Variants in COPS7A observed in about 807,000 individuals in gnomAD.
COPS7A encodes COP9 signalosome subunit 7A.
In COPS7A, 20 loss-of-function variants were observed where a neutral mutation model predicts 35.2. That is an observed-to-expected ratio of 0.57 (90% confidence interval 0.40 to 0.83). The LOEUF is 0.83. Among genes scored for constraint, COPS7A ranks in the 40% least tolerant of loss-of-function variants. The pLI is 0.00. For synonymous variants in COPS7A, 139 were observed against 141.4 expected, an observed-to-expected ratio of 0.98 and a Z score of 0.12; for missense variants, 247 against 347.5, an observed-to-expected ratio of 0.71 and a Z score of 2.30.
rs1040521710 is a variant in COPS7A at position 6,726,672 on chromosome 12, A to T, written c.163-1254A>T. ...TATCCCAGAACTTAAAGTATAATTT[A>T]AAAAAAAAAAAAAGGGAGGCGGAGG... On this transcript the variant is annotated intron_variant, in intron 2 of 7. Transcript: ENST00000543155. Among the ~76,000 whole-genome samples the T allele has an allele frequency of 6.3e-5, 9 of 141,958 alleles. No homozygotes were observed. The South Asian group carries it at 6.7e-4, about 11-fold the overall frequency. 93.1% of individuals were successfully genotyped at this position (141,958 alleles called of 152,430 possible). A position where few individuals can be genotyped will look rare whatever the true frequency, so the allele number is the denominator to read the frequency against.
intron 3 of COPS7A, 32 bp from the exon 4 acceptor site, chr12:6,728,191 A>T (rs778782482): frequency 6.2e-7 from 1 of 1,602,430 alleles, no homozygotes; most frequent in Non-Finnish European, 8.5e-7. Flanking sequence ...AACTGAAATC[A>T]GGATTCCTTA....
intron 2 of COPS7A, chr12:6,727,711 G>A (rs773726982): frequency 1.5e-6 from 1 of 673,834 alleles, no homozygotes; most frequent in Admixed American, 2.0e-5. Context: ...GGGCATTGTG[G>A]TTTGGGAGAA....
At chr12:6,727,608 G>A (rs1941288886) in intron 2 of COPS7A, 1 of 504,118 alleles carries the variant, frequency 2.0e-6, no homozygotes, top group Admixed American at 2.3e-5. Flanking sequence ...AACACAATTT[G>A]CAGTGTCTGG....
chr12:6,731,268 T>C lies in COPS7A; in HGVS notation c.*229T>C. ...TTTGTGACTTCATGTGTTCCATTGC[T>C]CCCCGCTGCCATGCTCTCTCCCTTG... On this transcript the variant is annotated 3_prime_UTR_variant, in exon 8 of 8. Transcript: ENST00000543155. 6.9e-7 allele frequency: 1 copy of C among 1,444,980 alleles called. No homozygotes were observed. The highest frequency in any genetic ancestry group is 9.1e-7 in the Non-Finnish European group (1 of 1,101,008). 89.5% of individuals were successfully genotyped at this position (1,444,980 alleles called of 1,614,324 possible). A position where few individuals can be genotyped will look rare whatever the true frequency, so the allele number is the denominator to read the frequency against.
Position 6,731,432 on chromosome 12 carries a change from A to T in COPS7A, c.*393A>T. The T allele has an allele frequency of 3.8e-6, 3 of 787,764 alleles. No individual in the cohort carries two copies. The highest frequency in any genetic ancestry group is 5.3e-6 in the Non-Finnish European group (3 of 567,922). The allele number at this position is 787,764 out of a possible 1,614,324, so 48.8% of individuals were successfully genotyped here. On this transcript the variant is annotated 3_prime_UTR_variant, in exon 8 of 8. Transcript: ENST00000543155. The stretch of plus-strand genomic sequence containing the variant: ...CCCCATCCCTGCATGCCTGATCCCC[A>T]GTTCCTATACCCTACCCCTGACCTA...
At chr12:6,725,905 A>C (rs982176590) in intron 2 of COPS7A, 7 of 456,006 alleles carry the variant, frequency 1.5e-5, no homozygotes, top group Non-Finnish European at 2.6e-5. Context: ...AAAAAGAAGC[A>C]CTTGGCTGGG....
chr12:6,727,586 C>G (rs1421658419), intron 2 of COPS7A: 1 of 469,024 alleles, frequency 2.1e-6, no homozygotes, highest in Non-Finnish European at 4.2e-6. Flanking sequence ...ATCAAACACT[C>G]TGAGGGCAGG....
intron 6 of COPS7A, 45 bp from the exon 7 acceptor site, chr12:6,730,624 G>T (rs369598803): frequency 4.5e-5 from 72 of 1,612,976 alleles, no homozygotes; most frequent in East Asian, 8.9e-5. Flanking sequence ...GGGCTGGAAG[G>T]TTCTGGAACC....
Position 6,727,629 on chromosome 12 carries a change from T to G in COPS7A, c.163-297T>G, listed in dbSNP as rs188585104. On this transcript the variant is annotated intron_variant, in intron 2 of 7. Coordinates refer to ENST00000543155, the MANE Select transcript of COPS7A (RefSeq NM_001164094.2). Reference sequence around the variant, plus strand: ...ATTTGCAGTGTCTGGTGTGTATGTCTGTTTGACTCTGAAAACTGAATGTCT... The same window carrying G: ...ATTTGCAGTGTCTGGTGTGTATGTCGGTTTGACTCTGAAAACTGAATGTCT... The G allele has an allele frequency of 1.4e-3, 746 of 540,060 alleles. 5 individuals carry two copies. The highest frequency in any genetic ancestry group is 2.7e-3 in the South Asian group (176 of 65,026). 33.5% of individuals were successfully genotyped at this position (540,060 alleles called of 1,614,324 possible). A position where few individuals can be genotyped will look rare whatever the true frequency, so the allele number is the denominator to read the frequency against.
rs1941341549 is a variant in COPS7A at position 6,729,572 on chromosome 12, T to C, written c.530+123T>C. On this transcript the variant is annotated intron_variant, in intron 5 of 7. Coordinates refer to ENST00000543155, the MANE Select transcript of COPS7A (RefSeq NM_001164094.2). This position sits in a 1 kb window ranked among gnomAD's most constrained non-coding sequence, Gnocchi z 4.2. ...TGGAACCCAAGAGGATGAAGGGAAA[T>C]GAGTTCATCCCTCCAAAGGCTTCTG... 9.7e-7 allele frequency: 1 copy of C among 1,032,262 alleles called. No individual in the cohort carries two copies. The highest frequency in any genetic ancestry group is 1.4e-6 in the Non-Finnish European group (1 of 714,430). The allele number at this position is 1,032,262 out of a possible 1,614,324, so 63.9% of individuals were successfully genotyped here.
intron 2 of COPS7A, among the ~76,000 whole-genome samples, 197 bp downstream of exon 2, chr12:6,725,015 C>G (rs1185574519): frequency 6.6e-6 from 1 of 152,110 alleles, no homozygotes; most frequent in Non-Finnish European, 1.5e-5. Flanking sequence ...ATCTGTAAAG[C>G]CCACTATTTT....
chr12:6,729,252 C>A lies in COPS7A; in HGVS notation c.333C>A (p.Ile111=), dbSNP rs748253593. The A allele has an allele frequency of 6.2e-7, 1 of 1,614,100 alleles. No individual in the cohort carries two copies. The highest frequency in any genetic ancestry group is 8.5e-7 in the Non-Finnish European group (1 of 1,180,034). The change falls in exon 5 of 8, where the codon ATC becomes ATA. Residue 111 remains isoleucine (I), a synonymous_variant. Coordinates refer to ENST00000543155, the MANE Select transcript of COPS7A (RefSeq NM_001164094.2). The surrounding 1 kb of genome is among the most constrained non-coding windows in gnomAD (Gnocchi z 4.2). ...CCTGATCTCCGCGGCCCCAGTGTATCCCATATGCAGTGTTGCTGGAGGCTC... is the reference window on the plus strand; with the variant it reads ...CCTGATCTCCGCGGCCCCAGTGTATACCATATGCAGTGTTGCTGGAGGCTC... ...VVTLAAKVKC[I]PYAVLLEALA... is the part of the protein sequence containing the mutation.
At chr12:6,727,582 C>T (rs966476646) in intron 2 of COPS7A, 21 of 457,360 alleles carry the variant, frequency 4.6e-5, no homozygotes, top group Non-Finnish European at 8.1e-5. Flanking sequence ...AAACATCAAA[C>T]ACTCTGAGGG....
chr12:6,724,605 T>G lies in COPS7A; in HGVS notation c.-43-9T>G. 7.4e-6 allele frequency: 12 copies of G among 1,611,510 alleles called. No individual in the cohort carries two copies. The highest frequency in any genetic ancestry group is 1.0e-5 in the Non-Finnish European group (12 of 1,178,066). On this transcript the variant is annotated splice_polypyrimidine_tract_variant and intron_variant, in intron 1 of 7. Transcript: ENST00000543155. The stretch of plus-strand genomic sequence containing the variant: ...GGGACCTCTAGCTTCACATCCTCTT[T>G]CCTTGCAGCTCTGGACATCCTGAGC...
At chr12:6,728,414 C>A in intron 4 of COPS7A, 103 bp downstream of exon 4, 1 of 802,966 alleles carries the variant, frequency 1.2e-6, no homozygotes. Flanking sequence ...TGCTTCCTGC[C>A]CTCCCCTCCT....
At position 6,729,015 on chromosome 12, in the gene COPS7A, T is replaced by A. The variant is rs1941323894; in HGVS notation, c.328-232T>A. Reference sequence around the variant, plus strand: ...TTCTGTGGTGTGTCAGGGGTGAGGGTGTTAGGGGAGCATTTTGTATTTTAT... The same window carrying A: ...TTCTGTGGTGTGTCAGGGGTGAGGGAGTTAGGGGAGCATTTTGTATTTTAT... On this transcript the variant is annotated intron_variant, in intron 4 of 7. Transcript: ENST00000543155. The surrounding 1 kb of genome is among the most constrained non-coding windows in gnomAD (Gnocchi z 4.2). The A allele has an allele frequency of 3.8e-6, 2 of 526,362 alleles. No homozygotes were observed. The highest frequency in any genetic ancestry group is 1.9e-5 in the African/African-American group (1 of 52,098). The allele number at this position is 526,362 out of a possible 1,614,324, so 32.6% of individuals were successfully genotyped here. A position where few individuals can be genotyped will look rare whatever the true frequency, so the allele number is the denominator to read the frequency against.
At chr12:6,724,283 G>A (rs1941191976) in intron 1 of COPS7A, 104 bp downstream of exon 1, 1 of 396,662 alleles carries the variant, frequency 2.5e-6, no homozygotes, top group Non-Finnish European at 5.0e-6. Context: ...TCACGTGGTT[G>A]TGGGCGCGTG....
intron 7 of COPS7A, 38 bp downstream of exon 7, chr12:6,730,858 G>T: frequency 1.2e-6 from 2 of 1,610,536 alleles, no homozygotes; most frequent in Non-Finnish European, 1.7e-6. Flanking sequence ...CTTGCAGGGT[G>T]CCCTGCTTTT....
intron 7 of COPS7A, 33 bp downstream of exon 7, chr12:6,730,853 A>G: frequency 6.2e-7 from 1 of 1,611,968 alleles, no homozygotes. Flanking sequence ...GCTCACTTGC[A>G]GGGTGCCCTG....
Sources: gnomAD v4.1 joint callset for allele counts (sites outside exome capture counted in the v4.1 genomes callset) on GRCh38, gnomAD v4.1.1 for gene constraint, Gnocchi (gnomAD v3.1) non-coding constraint, MANE v1.5 for transcripts, NCBI Gene and HGNC (gene_info 2026-07-23, HGNC 2026-07-21) for gene names.